RNF128: variants seen among roughly 807,000 people sequenced by gnomAD.
RNF128 encodes E3 ubiquitin-protein ligase RNF128.
A neutral mutation model predicts 26.2 loss-of-function variants in RNF128; 13 were observed. The observed-to-expected ratio is 0.50, with a 90% confidence interval of 0.32 to 0.79. The LOEUF (loss-of-function observed/expected upper bound fraction) is 0.79, where lower values mean the gene tolerates loss of function less well. Ranked by LOEUF, RNF128 falls within the 30% of genes least tolerant of loss-of-function variation. The pLI, the probability that RNF128 is intolerant of heterozygous loss-of-function variation, is 0.03. For missense variants in RNF128, 315 were observed against 349.7 expected (o/e 0.90, Z 0.79); for synonymous variants, 149 against 142.5 (o/e 1.05, Z -0.32).
rs1479897472 is a variant in RNF128 at position 106,779,119 on chromosome X, C to T, written c.733-5946C>T. On this transcript the variant is annotated intron_variant, in intron 2 of 6. Transcript: ENST00000255499. ...AAGACTTAGTTTTACAATATTTCTT[C>T]TGACTTTCTCACTGAACAAAAGAAA... Among the ~76,000 whole-genome samples, 4 of 111,617 alleles carry T rather than the reference C, an allele frequency of 3.6e-5. 1 individual carries two copies. The highest frequency in any genetic ancestry group is 9.3e-3 in the Middle Eastern group (2 of 216).
chrX:106,742,099 G>A (rs1244350724), intron 1 of RNF128, among the ~76,000 whole-genome samples: 3 of 111,831 alleles, frequency 2.7e-5, no homozygotes, highest in Non-Finnish European at 5.6e-5. Context: ...CAGCTAAGGG[G>A]TTGTTAATGG....
At chrX:106,794,730 A>T (rs1930884799) in intron 6 of RNF128, among the ~76,000 whole-genome samples, 1 of 110,993 alleles carries the variant, frequency 9.0e-6, no homozygotes, top group Non-Finnish European at 1.9e-5. Flanking sequence ...CATATACATT[A>T]TTTCTCTATC....
At chrX:106,760,868 A>G (rs975940936) in intron 1 of RNF128, among the ~76,000 whole-genome samples, 2 of 111,969 alleles carry the variant, frequency 1.8e-5, no homozygotes, top group African/African-American at 6.5e-5. Context: ...GAGGAAATTA[A>G]GTGCCAAAAG....
intron 1 of RNF128, among the ~76,000 whole-genome samples, chrX:106,765,390 C>T (rs1459263832): frequency 8.9e-6 from 1 of 111,884 alleles, no homozygotes; most frequent in Non-Finnish European, 1.9e-5. Context: ...TTACTGTGTA[C>T]ATTGCCATTT....
intron 4 of RNF128, among the ~76,000 whole-genome samples, chrX:106,788,663 CTATATAATATAG>C (rs1413216994): frequency 1.7e-5 from 1 of 59,298 alleles, no homozygotes; most frequent in Non-Finnish European, 2.8e-5. Context: ...ATTATATATA[CTATATAATATAG>C]TATATAATAT....
At position 106,727,105 on chromosome X, in the gene RNF128, G is replaced by A. The variant is rs763410428; in HGVS notation, c.192G>A (p.Glu64=). ...PHTGVNRTVW[E]LSEEGVYGQD... ...CGGGAGTGAACCGTACGGTGTGGGA[G>A]CTGAGCGAGGAGGGCGTGTACGGCC... Residue 64 remains glutamate, a synonymous_variant, in exon 1 of 7, where the codon GAG becomes GAA. Coordinates refer to ENST00000255499, the MANE Select transcript of RNF128 (RefSeq NM_194463.2). The A allele has an allele frequency of 8.3e-7, 1 of 1,204,978 alleles. No homozygotes were observed. Among genetic ancestry groups the A allele is most frequent in the South Asian group, 1.8e-5 (1 of 55,509 alleles).
At chrX:106,741,912 C>T (rs1246837030) in intron 1 of RNF128, among the ~76,000 whole-genome samples, 1 of 111,954 alleles carries the variant, frequency 8.9e-6, no homozygotes, top group East Asian at 2.8e-4. Flanking sequence ...AAAAGCAGGA[C>T]ATCTAACGCA....
intron 3 of RNF128, 43 bp from the exon 4 acceptor site, chrX:106,787,874 AT>A: frequency 1.1e-6 from 1 of 934,395 alleles, no homozygotes; most frequent in Non-Finnish European, 1.5e-6. Flanking sequence ...AGTTTAATGT[AT>A]TTTTTCTTAT....
chrX:106,717,745 T>C (rs1397835307), intron 1 of RNF128, among the ~76,000 whole-genome samples: 2 of 112,390 alleles, frequency 1.8e-5, no homozygotes, highest in African/African-American at 6.5e-5. Context: ...TTAAGGTTGA[T>C]AAAAATGTTT....
intron 2 of RNF128, among the ~76,000 whole-genome samples, chrX:106,778,269 G>T (rs1025424960): frequency 1.8e-5 from 2 of 111,604 alleles, no homozygotes; most frequent in Admixed American, 1.9e-4. Flanking sequence ...TATGCTAACT[G>T]TATAGTAACT....
At chrX:106,704,145 G>A (rs1399334446) in intron 1 of RNF128, among the ~76,000 whole-genome samples, 2 of 110,616 alleles carry the variant, frequency 1.8e-5, no homozygotes, top group Admixed American at 9.6e-5. Context: ...TCATAAGAGT[G>A]GGGGAGTAGG....
At chrX:106,741,207 T>A (rs769861590) in intron 1 of RNF128, among the ~76,000 whole-genome samples, 1 of 111,952 alleles carries the variant, frequency 8.9e-6, no homozygotes, top group South Asian at 3.8e-4. Flanking sequence ...GCATATCTTA[T>A]TTTTTTCCTC....
intron 2 of RNF128, among the ~76,000 whole-genome samples, chrX:106,773,412 A>G (rs1035257450): frequency 8.9e-6 from 1 of 112,083 alleles, no homozygotes; most frequent in Non-Finnish European, 1.9e-5. Context: ...TTAATTACAT[A>G]TAGGTGTAAA....
intron 1 of RNF128, among the ~76,000 whole-genome samples, chrX:106,697,174 G>A (rs1928887143): frequency 8.9e-6 from 1 of 111,932 alleles, no homozygotes; most frequent in Non-Finnish European, 1.9e-5. Context: ...ACTAGCCCAT[G>A]GCTAAAGCTG....
chrX:106,710,293 C>T (rs1225865125), intron 1 of RNF128, among the ~76,000 whole-genome samples: 3 of 112,004 alleles, frequency 2.7e-5, no homozygotes, highest in African/African-American at 6.5e-5. Flanking sequence ...TTCTAGTCCT[C>T]CAAGCACTAC....
chrX:106,699,493 C>G (rs1306673460), intron 1 of RNF128, among the ~76,000 whole-genome samples: 4 of 111,579 alleles, frequency 3.6e-5, no homozygotes, highest in African/African-American at 1.3e-4. Flanking sequence ...GTACAGGCTA[C>G]CGCCAGCTCT....
intron 1 of RNF128, among the ~76,000 whole-genome samples, chrX:106,701,046 T>C (rs1357693321): frequency 8.9e-6 from 1 of 112,152 alleles, no homozygotes; most frequent in African/African-American, 3.2e-5. Context: ...GCTATTGATA[T>C]TGATCTTGTA....
chrX:106,748,029 A>G (rs759523386), intron 1 of RNF128, among the ~76,000 whole-genome samples: 3 of 112,192 alleles, frequency 2.7e-5, no homozygotes, highest in South Asian at 7.4e-4. Flanking sequence ...TGTCTTCTGT[A>G]TAACCGGTCC....
intron 1 of RNF128, among the ~76,000 whole-genome samples, chrX:106,721,596 T>A (rs755546464): frequency 5.5e-4 from 61 of 111,691 alleles, no homozygotes; most frequent in African/African-American, 1.9e-3. Flanking sequence ...TTTGAAGAAT[T>A]CAAAAAGGCT....
Sources: gnomAD v4.1 joint callset for allele counts (sites outside exome capture counted in the v4.1 genomes callset) on GRCh38, gnomAD v4.1.1 for gene constraint, MANE v1.5 for transcripts, NCBI Gene and HGNC (gene_info 2026-07-23, HGNC 2026-07-21) for gene names.